The following INTS8 variants were observed in gnomAD, a reference collection of about 807,000 sequenced individuals.
The protein encoded by INTS8 is integrator complex subunit 8, also known as protein kaonashi-1.
In INTS8, 47 loss-of-function variants were observed where a neutral mutation model predicts 138.9. The observed-to-expected ratio is 0.34, with a 90% confidence interval of 0.27 to 0.43. The LOEUF is 0.43. Among genes scored for constraint, INTS8 ranks in the 20% least tolerant of loss-of-function variants. The pLI, the probability that INTS8 is intolerant of heterozygous loss-of-function variation, is 1.00. For missense variants in INTS8, 996 were observed against 1,173.0 expected (o/e 0.85, Z 2.20); for synonymous variants, 392 against 400.9 (o/e 0.98, Z 0.27).
intron 15 of INTS8, among the ~76,000 whole-genome samples, chr8:94,857,776 C>T (rs1437443109): frequency 1.3e-5 from 2 of 152,200 alleles, no homozygotes; most frequent in Non-Finnish European, 2.9e-5. Context: ...TGCCCTAATC[C>T]AGCTGACTTC....
intron 13 of INTS8, among the ~76,000 whole-genome samples, chr8:94,853,480 C>A (rs1586500438): frequency 6.6e-6 from 1 of 152,148 alleles, no homozygotes; most frequent in Non-Finnish European, 1.5e-5. Context: ...GCAGTTTTCT[C>A]ATTTGCAAAA....
intron 16 of INTS8, chr8:94,859,972 TCTC>T (rs1418938098): frequency 2.3e-5 from 4 of 171,432 alleles, no homozygotes; most frequent in African/African-American, 7.1e-5. Flanking sequence ...GGGATGCACT[TCTC>T]CTTGTTTCCA....
At chr8:94,825,089 T>G in intron 2 of INTS8, 22 bp downstream of exon 2, 1 of 1,531,794 alleles carries the variant, frequency 6.5e-7, no homozygotes, top group East Asian at 2.3e-5. Context: ...TTCAGTGAAA[T>G]TTCATTTGAA....
chr8:94,841,847 C>T (rs928369025), intron 9 of INTS8, among the ~76,000 whole-genome samples: 4 of 152,022 alleles, frequency 2.6e-5, no homozygotes, highest in African/African-American at 9.7e-5. Context: ...GTGGGTGGAT[C>T]ACTTGAGGTC....
intron 15 of INTS8, 97 bp downstream of exon 15, chr8:94,857,075 T>A: frequency 2.4e-6 from 2 of 819,256 alleles, no homozygotes; most frequent in Non-Finnish European, 3.6e-6. Context: ...TGTAATCTTT[T>A]TTTTTTTTTT....
chr8:94,857,040 A>T (rs1285418311), intron 15 of INTS8, 62 bp downstream of exon 15: 16 of 1,207,186 alleles, frequency 1.3e-5, no homozygotes, highest in Admixed American at 2.3e-5. Flanking sequence ...GTGGGGGAAA[A>T]TTTAAAAGCA....
At chr8:94,880,021 G>A (rs1816740645) in intron 26 of INTS8, 97 bp from the exon 27 acceptor site, 12 of 784,826 alleles carry the variant, frequency 1.5e-5, no homozygotes, top group Non-Finnish European at 2.6e-5. Context: ...TCATTAAACT[G>A]TATCGTTGTT....
intron 3 of INTS8, 40 bp from the exon 4 acceptor site, chr8:94,827,682 T>G (rs1814559807): frequency 6.7e-7 from 1 of 1,495,680 alleles, no homozygotes; most frequent in Non-Finnish European, 9.3e-7. Context: ...AGATGACATT[T>G]ATAATGTATG....
chr8:94,862,853 CCA>C (rs894960879), intron 16 of INTS8, among the ~76,000 whole-genome samples: 3 of 151,386 alleles, frequency 2.0e-5, no homozygotes, highest in African/African-American at 7.3e-5. Flanking sequence ...GTGGAATGCA[CCA>C]CACACACACA....
At chr8:94,858,718 G>C (rs147396262) in intron 15 of INTS8, among the ~76,000 whole-genome samples, 21 of 152,280 alleles carry the variant, frequency 1.4e-4, no homozygotes, top group African/African-American at 5.1e-4. Context: ...AGTCACACAG[G>C]AAGAGACAGA....
At chr8:94,849,404 T>G in intron 10 of INTS8, 58 bp from the exon 11 acceptor site, 1 of 893,310 alleles carries the variant, frequency 1.1e-6, no homozygotes. Context: ...CCTTTTCAAA[T>G]TATAATTTAC....
Position 94,875,051 on chromosome 8 carries a change from AAC to A in INTS8, c.2688+451_2688+452del, listed in dbSNP as rs144053480. On this transcript the variant is annotated intron_variant, in intron 23 of 26. Coordinates refer to ENST00000523731, the MANE Select transcript of INTS8 (RefSeq NM_017864.4). ...CATCAAAATGGTGTAGACTCAGGAA[AAC>A]AGTTTCCCAGTTCCTCAAAAAGGTA... Among the ~76,000 whole-genome samples, 155 of 151,986 alleles carry A rather than the reference AAC, an allele frequency of 1.0e-3. 1 individual carries two copies. The highest frequency in any genetic ancestry group is 1.8e-3 in the Non-Finnish European group (123 of 67,916).
In INTS8 at chr8:94,851,622, G is replaced by A; in HGVS notation, c.1577G>A (p.Arg526Lys). ...TTGTCAGTGGATCCTTGGAGGATTA[G>A]ACAAATTTTAATTGAATTACATGGT... is the stretch of plus-strand genomic sequence containing the variant. ...LILSVDPWRI[R>K]QILIELHGMT... is the part of the protein sequence containing the mutation. Residue 526 changes from arginine (R) to lysine (K), a missense_variant, in exon 13 of 27, where the codon AGA becomes AAA. Arg to Lys is a conservative substitution (Grantham distance 26, BLOSUM62 2). Coordinates refer to ENST00000523731, the MANE Select transcript of INTS8 (RefSeq NM_017864.4). 6.2e-7 allele frequency: 1 copy of A among 1,603,624 alleles called. No homozygotes were observed. The highest frequency in any genetic ancestry group is 8.5e-7 in the Non-Finnish European group (1 of 1,176,124).
At chr8:94,867,488 T>C in intron 20 of INTS8, 151 bp downstream of exon 20, 1 of 603,440 alleles carries the variant, frequency 1.7e-6, no homozygotes, top group Non-Finnish European at 2.9e-6. Context: ...TAATGATAAT[T>C]ATCTTCCTGT....
chr8:94,865,622 C>G lies in INTS8; in HGVS notation c.2193C>G (p.His731Gln), dbSNP rs184351630. ...AAATCTGTAGTGTGTCCAGTCAGCA[C>G]AAACGAGGAAATGATGGCAGAGTTA... ...VVQICSVSSQ[H>Q]KRGNDGRVSL... The change falls in exon 17 of 27, where the codon CAC becomes CAG. Residue 731 changes from histidine to glutamine, a missense_variant. Transcript: ENST00000523731. 1 of 1,614,022 alleles carries G rather than the reference C, an allele frequency of 6.2e-7. No individual in the cohort carries two copies. Among genetic ancestry groups the G allele is most frequent in the African/African-American group, 1.3e-5 (1 of 75,022 alleles).
At chr8:94,842,567 G>C (rs1815174415) in intron 10 of INTS8, 79 bp downstream of exon 10, 4 of 1,194,070 alleles carry the variant, frequency 3.3e-6, no homozygotes, top group Non-Finnish European at 4.7e-6. Context: ...GCCAAATCCA[G>C]TTCCTTTTTT....
chr8:94,878,991 T>C (rs1482236287), intron 26 of INTS8, among the ~76,000 whole-genome samples: 1 of 152,188 alleles, frequency 6.6e-6, no homozygotes, highest in African/African-American at 2.4e-5. Context: ...AACCCTGCAT[T>C]CTCCCTAGGT....
At chr8:94,873,922 C>T (rs1284721487) in intron 22 of INTS8, among the ~76,000 whole-genome samples, 1 of 152,052 alleles carries the variant, frequency 6.6e-6, no homozygotes, top group Non-Finnish European at 1.5e-5. Context: ...GATTCTATCT[C>T]CTAAATCCCT....
chr8:94,841,666 T>A, intron 9 of INTS8, 75 bp downstream of exon 9: 1 of 773,076 alleles, frequency 1.3e-6, no homozygotes, highest in South Asian at 1.6e-5. Context: ...AAAACCACAT[T>A]TTCAAATTTC....
Sources: allele counts gnomAD v4.1 joint callset (sites outside exome capture counted in the v4.1 genomes callset), GRCh38; gene constraint gnomAD v4.1.1; transcripts MANE v1.5; gene names NCBI Gene and HGNC (gene_info 2026-07-23, HGNC 2026-07-21).